The following NIPSNAP3A variants were observed in gnomAD, a reference collection of about 807,000 sequenced individuals.
NIPSNAP3A encodes nipsnap homolog 3A.
NIPSNAP3A carries 27 observed loss-of-function variants against 32.3 expected under a neutral mutation model. The observed-to-expected ratio is 0.84, with a 90% CI of 0.62 to 1.15. NIPSNAP3A has a LOEUF of 1.15. NIPSNAP3A is among the 50% of genes most tolerant of loss of function. The pLI is 0.00. For synonymous variants in NIPSNAP3A, 108 were observed against 107.3 expected (o/e 1.01, Z -0.04); for missense variants, 278 against 297.2 (o/e 0.94, Z 0.48).
rs1564051251 is a variant in NIPSNAP3A, at chr9:104,751,113, G to A, written c.218G>A (p.Trp73Ter). The A allele has an allele frequency of 3.1e-6, 5 of 1,613,992 alleles. No individual in the cohort carries two copies. The highest frequency in any genetic ancestry group is 1.3e-5 in the African/African-American group (1 of 75,010). Residue 73 changes from tryptophan to a stop codon, truncating the protein, a stop_gained, in exon 2 of 6, where the codon TGG (tryptophan) becomes TAG (stop). Coordinates refer to ENST00000374767, the MANE Select transcript of NIPSNAP3A (RefSeq NM_015469.3). LOFTEE classifies it high-confidence loss of function. ...RTAHSELVGY[W>*]SVEFGGRMNT... ...GCTCACTCTGAATTGGTTGGATACT[G>A]GAGTGTAGAATTTGGAGGCAGAATG...
At chr9:104,747,922 G>A (rs1341775846) in intron 1 of NIPSNAP3A, 70 bp downstream of exon 1, 2 of 1,436,016 alleles carry the variant, frequency 1.4e-6, no homozygotes, top group Non-Finnish European at 1.9e-6. Flanking sequence ...AGTGTTCCGG[G>A]TACGTGCGAG....
chr9:104,749,484 G>A lies in NIPSNAP3A; in HGVS notation c.61-1472G>A, dbSNP rs562774889. Among the ~76,000 whole-genome samples, 19 of 152,290 alleles carry A rather than the reference G, an allele frequency of 1.2e-4. No individual in the cohort carries two copies. The South Asian group carries it at 3.9e-3, about 32-fold the overall frequency. On this transcript the variant is annotated intron_variant, in intron 1 of 5. Transcript: ENST00000374767. ...CCTACTGCTTTCAGACAGACATACT[G>A]GCTAGTCAGTATAAGCCCTAATTTG...
Position 104,747,689 on chromosome 9 carries a change from C to A in NIPSNAP3A, c.-104C>A, listed in dbSNP as rs1827788487. ...CCCCGCCGAGCCCCGCCCCAGCCTGCGTCTGCCAATGATCCAGGAGCCGCT... is the reference window on the plus strand; with the variant it reads ...CCCCGCCGAGCCCCGCCCCAGCCTGAGTCTGCCAATGATCCAGGAGCCGCT... On this transcript the variant is annotated 5_prime_UTR_variant, in exon 1 of 6. Coordinates refer to ENST00000374767, the MANE Select transcript of NIPSNAP3A (RefSeq NM_015469.3). The A allele has an allele frequency of 1.7e-6, 2 of 1,209,584 alleles. No individual in the cohort carries two copies. The highest frequency in any genetic ancestry group is 2.4e-6 in the Non-Finnish European group (2 of 841,502). 74.9% of individuals were successfully genotyped at this position (1,209,584 alleles called of 1,614,324 possible).
In NIPSNAP3A at chr9:104,750,947, C is replaced by G. The variant is rs997224610; in HGVS notation, c.61-9C>G. 20 of 1,598,902 alleles carry G rather than the reference C, an allele frequency of 1.3e-5. No homozygotes were observed. Among genetic ancestry groups the G allele is most frequent in the Admixed American group, 8.3e-5 (5 of 59,984 alleles). On this transcript the variant is annotated splice_polypyrimidine_tract_variant and intron_variant, in intron 1 of 5. Transcript: ENST00000374767. ...CTCAAGATATTTACATTTGTCTTAT[C>G]TTCTTCAGATGTGCTCATCTTTTGC...
At position 104,759,409 on chromosome 9, in the gene NIPSNAP3A, C is replaced by T. The variant is rs1827946698; in HGVS notation, c.*71C>T. 6.9e-7 allele frequency: 1 copy of T among 1,447,892 alleles called. No homozygotes were observed. The highest frequency in any genetic ancestry group is 1.4e-5 in the African/African-American group (1 of 71,502). 89.7% of individuals were successfully genotyped at this position (1,447,892 alleles called of 1,614,324 possible). A position where few individuals can be genotyped will look rare whatever the true frequency, so the allele number is the denominator to read the frequency against. ...GTCTGCTAATGGTGCTTAAATTCTC[C>T]CAAGAGGTTCTCACTTTTATTTGAA... On this transcript the variant is annotated 3_prime_UTR_variant, in exon 6 of 6. Transcript: ENST00000374767.
intron 4 of NIPSNAP3A, among the ~76,000 whole-genome samples, chr9:104,755,172 C>T (rs1478375724): frequency 2.0e-5 from 3 of 151,238 alleles, no homozygotes; most frequent in Middle Eastern, 3.4e-3. Flanking sequence ...ATCCAGGAAG[C>T]GGAGGTTGCA....
intron 4 of NIPSNAP3A, among the ~76,000 whole-genome samples, chr9:104,755,801 C>T (rs1160009813): frequency 6.6e-6 from 1 of 152,016 alleles, no homozygotes; most frequent in Non-Finnish European, 1.5e-5. Context: ...CACCTGTAGT[C>T]CTAGCTACTT....
intron 4 of NIPSNAP3A, among the ~76,000 whole-genome samples, chr9:104,758,181 G>A (rs1827927483): frequency 6.6e-6 from 1 of 151,878 alleles, no homozygotes; most frequent in African/African-American, 2.4e-5. Flanking sequence ...TCTGTAAGGA[G>A]GAATTTATAT....
chr9:104,749,333 T>C (rs1827818323), intron 1 of NIPSNAP3A, among the ~76,000 whole-genome samples: 1 of 152,230 alleles, frequency 6.6e-6, no homozygotes, highest in African/African-American at 2.4e-5. Flanking sequence ...GTAGGCTTAG[T>C]CATTTGAGCA....
At chr9:104,747,888 CGGGAGGGGAG>C in intron 1 of NIPSNAP3A, 36 bp downstream of exon 1, 1 of 1,447,836 alleles carries the variant, frequency 6.9e-7, no homozygotes, top group Non-Finnish European at 9.2e-7. Context: ...CTTCACCCGA[CGGGAGGGGAG>C]GGGCGGGGCG....
In NIPSNAP3A at chr9:104,747,739, A is replaced by C. The variant is rs1328310273; in HGVS notation, c.-54A>C. The C allele has an allele frequency of 1.3e-6, 2 of 1,542,430 alleles. No individual in the cohort carries two copies. Among genetic ancestry groups the C allele is most frequent in the East Asian group, 2.3e-5 (1 of 43,120 alleles). On this transcript the variant is annotated 5_prime_UTR_variant, in exon 1 of 6. Transcript: ENST00000374767. ...TCCTTTCCACTCGGGAAACCTTCAG[A>C]GGAGTCTCAGAAAGGACACGGCTGG... is the stretch of plus-strand genomic sequence containing the variant.
intron 2 of NIPSNAP3A, among the ~76,000 whole-genome samples, chr9:104,752,254 T>C (rs2118751724): frequency 6.6e-6 from 1 of 152,230 alleles, no homozygotes. Flanking sequence ...GGAGAAAGAA[T>C]GGATGACAAT....
At chr9:104,755,379 T>C (rs1827894516) in intron 4 of NIPSNAP3A, among the ~76,000 whole-genome samples, 1 of 152,046 alleles carries the variant, frequency 6.6e-6, no homozygotes, top group South Asian at 2.1e-4. Context: ...AAAAAAGTAA[T>C]ATATGTTTTG....
At chr9:104,754,520 T>G in intron 3 of NIPSNAP3A, 31 bp from the exon 4 acceptor site, 1 of 1,607,726 alleles carries the variant, frequency 6.2e-7, no homozygotes, top group Non-Finnish European at 8.5e-7. Flanking sequence ...CTTGAATGTT[T>G]TCTGAAAAAT....
chr9:104,748,585 A>G (rs958394427), intron 1 of NIPSNAP3A, among the ~76,000 whole-genome samples: 1 of 152,140 alleles, frequency 6.6e-6, no homozygotes, highest in African/African-American at 2.4e-5. Flanking sequence ...TGTGGCTTCA[A>G]CCTAGAAATT....
At chr9:104,757,038 G>A (rs1364879244) in intron 4 of NIPSNAP3A, among the ~76,000 whole-genome samples, 2 of 151,874 alleles carry the variant, frequency 1.3e-5, no homozygotes, top group African/African-American at 2.4e-5. Context: ...CAGGTGATCC[G>A]CCCGCCTCGG....
At chr9:104,751,911 A>G (rs896984351) in intron 2 of NIPSNAP3A, among the ~76,000 whole-genome samples, 2 of 152,196 alleles carry the variant, frequency 1.3e-5, no homozygotes, top group African/African-American at 2.4e-5. Context: ...CAGTGTCTAC[A>G]TCAGGACTTG....
intron 1 of NIPSNAP3A, among the ~76,000 whole-genome samples, chr9:104,749,659 A>G (rs1444364100): frequency 1.3e-5 from 2 of 152,124 alleles, no homozygotes; most frequent in African/African-American, 2.4e-5. Context: ...GCATATATAT[A>G]TGTGTGTGTG....
At chr9:104,757,167 C>A (rs554155607) in intron 4 of NIPSNAP3A, among the ~76,000 whole-genome samples, 2 of 152,248 alleles carry the variant, frequency 1.3e-5, no homozygotes, top group East Asian at 1.9e-4. Context: ...TGTGTTCATA[C>A]ACTTTTTAAT....
Sources: gnomAD v4.1 joint callset for allele counts (sites outside exome capture counted in the v4.1 genomes callset) on GRCh38, gnomAD v4.1.1 for gene constraint, MANE v1.5 for transcripts, NCBI Gene and HGNC (gene_info 2026-07-23, HGNC 2026-07-21) for gene names.